Variants in PTPRH observed in about 807,000 individuals in gnomAD.
The protein encoded by PTPRH is receptor-type tyrosine-protein phosphatase H.
In PTPRH, 113 loss-of-function variants were observed where a neutral mutation model predicts 130.2. The ratio of observed to expected loss-of-function variants is 0.87; its 90% confidence interval spans 0.75 to 1.01. The LOEUF is 1.01. PTPRH is among the 50% of genes least tolerant of loss of function. The pLI is 0.00. For missense variants in PTPRH, 1,430 were observed against 1,425.0 expected, an observed-to-expected ratio of 1.00 and a Z score of -0.06; for synonymous variants, 556 against 577.9, an observed-to-expected ratio of 0.96 and a Z score of 0.54.
chr19:55,186,339 C>T lies in PTPRH; in HGVS notation c.2664G>A (p.Glu888=), dbSNP rs2086324494. The change falls in exon 16 of 20, where the codon GAG becomes GAA. Residue 888 remains glutamate, a synonymous_variant. Coordinates refer to ENST00000376350, the MANE Select transcript of PTPRH (RefSeq NM_002842.5). ...SFMPGLWSPQ[E]FIATQGPLPQ... ...GCAGGGGACCCTGGGTTGCAATGAA[C>T]TCCTGGGGGCTCCAGAGACCCTGGT... is the stretch of plus-strand genomic sequence containing the variant. 1 of 1,613,750 alleles carries T rather than the reference C, an allele frequency of 6.2e-7. No homozygotes were observed. Among genetic ancestry groups the T allele is most frequent in the Admixed American group, 1.7e-5 (1 of 59,974 alleles).
intron 1 of PTPRH, 61 bp from the exon 2 acceptor site, chr19:55,207,260 C>T (rs1045704512): frequency 2.6e-5 from 41 of 1,571,458 alleles, no homozygotes; most frequent in East Asian, 4.6e-5. Context: ...CCAGTGAGGC[C>T]GAGGGGCTGG....
chr19:55,207,352 G>C (rs527943381), intron 1 of PTPRH, 153 bp from the exon 2 acceptor site: 15 of 769,598 alleles, frequency 1.9e-5, no homozygotes, highest in Admixed American at 1.4e-4. Context: ...TCACGACCTC[G>C]ACCGTCTTTC....
intron 18 of PTPRH, 81 bp downstream of exon 18, chr19:55,185,421 C>G (rs750167312): frequency 1.3e-6 from 2 of 1,503,314 alleles, no homozygotes; most frequent in Non-Finnish European, 1.8e-6. Context: ...CCTGTACGTT[C>G]CCAGGGTCCC....
intron 10 of PTPRH, chr19:55,192,219 G>A (rs754969693): frequency 1.2e-5 from 4 of 338,698 alleles, no homozygotes; most frequent in Non-Finnish European, 2.3e-5. Context: ...TGGTTAACAC[G>A]GTGAAACCCC....
In PTPRH at chr19:55,185,755, G is replaced by T; in HGVS notation, c.2902-93C>A. 2.5e-6 allele frequency: 4 copies of T among 1,598,054 alleles called. No homozygotes were observed. The South Asian group carries it at 4.5e-5, about 18-fold the overall frequency. On this transcript the variant is annotated intron_variant, in intron 17 of 19. Coordinates refer to ENST00000376350, the MANE Select transcript of PTPRH (RefSeq NM_002842.5). ...AGCGGGTTCCCTGGGGCACACTGCA[G>T]CTCCTCAGAGGAGTGGGTGGAAGGT...
intron 10 of PTPRH, among the ~76,000 whole-genome samples, chr19:55,194,702 C>G (rs2086635210): frequency 6.6e-6 from 1 of 152,054 alleles, no homozygotes; most frequent in African/African-American, 2.4e-5. Flanking sequence ...AAAATAAAAC[C>G]CGGGGTGGGG....
rs142378567 is a variant in PTPRH, at chr19:55,198,700, C to T, written c.1633G>A (p.Val545Ile). The T allele has an allele frequency of 6.8e-4, 1,103 of 1,613,850 alleles. 7 individuals carry two copies. Among genetic ancestry groups the T allele is most frequent in the Middle Eastern group, 4.5e-3 (27 of 6,062 alleles). The change falls in exon 8 of 20, where the codon GTC (valine) becomes ATC (isoleucine). Residue 545 changes from valine (V) to isoleucine (I), a missense_variant. Physicochemically the swap from Val to Ile is conservative, Grantham distance 29. Transcript: ENST00000376350. The part of the protein sequence containing the change: ...LEAGSLYHLT[V>I]WAERNEVRGY... ...CTGACCTCATTCCTCTCGGCCCAGA[C>T]GGTGAGGTGGTACAGGCTGCCAGCT...
rs754089120 is a variant in PTPRH, at chr19:55,209,482, A to T, written c.-49T>A. ...CAGGAGTCCCAGGCCTAGTCCTTCC[A>T]CCTGCTGGACTTTACACTCAAGAAT... On this transcript the variant is annotated 5_prime_UTR_variant, in exon 1 of 20. Transcript: ENST00000376350. The surrounding 1 kb of genome is among the most constrained non-coding windows in gnomAD (Gnocchi z 4.1). The T allele has an allele frequency of 1.9e-5, 25 of 1,286,056 alleles. No individual in the cohort carries two copies. Among genetic ancestry groups the T allele is most frequent in the South Asian group, 2.6e-5 (2 of 78,098 alleles). The allele number at this position is 1,286,056 out of a possible 1,614,324, so 79.7% of individuals were successfully genotyped here.
chr19:55,197,454 G>T (rs753203926), intron 8 of PTPRH, 38 bp from the exon 9 acceptor site: 6 of 1,571,542 alleles, frequency 3.8e-6, no homozygotes, highest in Non-Finnish European at 4.4e-6. Context: ...GGGTATCCTC[G>T]AAGACCCTCC....
At chr19:55,185,438 C>T in intron 18 of PTPRH, 64 bp downstream of exon 18, 13 of 1,575,384 alleles carry the variant, frequency 8.3e-6, no homozygotes, top group Non-Finnish European at 1.0e-5. Flanking sequence ...TCCCGTCTAA[C>T]ACAACTGTCT....
chr19:55,198,572 T>G, intron 8 of PTPRH, 71 bp downstream of exon 8: 1 of 1,444,268 alleles, frequency 6.9e-7, no homozygotes, highest in Non-Finnish European at 9.2e-7. Context: ...CCCAAGGAGC[T>G]CCCAAAGTCC....
chr19:55,196,437 G>C, intron 10 of PTPRH, 85 bp downstream of exon 10: 2 of 1,418,198 alleles, frequency 1.4e-6, no homozygotes, highest in Non-Finnish European at 1.9e-6. Flanking sequence ...AAACAAAAGA[G>C]TCCCACTGAT....
chr19:55,189,861 G>A, intron 12 of PTPRH: 1 of 404,274 alleles, frequency 2.5e-6, no homozygotes, highest in Non-Finnish European at 5.0e-6. Flanking sequence ...AGGCATTGTG[G>A]TGCGTGCCTG....
rs1022440443 is a variant in PTPRH, at chr19:55,205,247, G to A, written c.619+79C>T. On this transcript the variant is annotated intron_variant, in intron 4 of 19. Transcript: ENST00000376350. ...GCTCAATGTGGCCCAGAGGGACTAT[G>A]GAATAGAAATCCGCTACGTTCTCCT... 22 of 1,580,002 alleles carry A rather than the reference G, an allele frequency of 1.4e-5. No individual in the cohort carries two copies. In the African/African-American group the frequency reaches 2.4e-4, roughly 17 times the overall value.
In PTPRH at chr19:55,203,915, T is replaced by G; in HGVS notation, c.753A>C (p.Arg251Ser). 6.2e-7 allele frequency: 1 copy of G among 1,614,150 alleles called. No individual in the cohort carries two copies. Among genetic ancestry groups the G allele is most frequent in the Non-Finnish European group, 8.5e-7 (1 of 1,180,020 alleles). Residue 251 changes from arginine to serine, a missense_variant, in exon 5 of 20, where the codon AGA becomes AGC. By Grantham distance (110) the Arg-to-Ser change is moderately radical. Transcript: ENST00000376350. ...TGTCTGTTGTGTTTCGAGTCTCTGT[T>G]CTGCCACCATCTCCAGTGCACTGAA... ...YCVQCTGDGG[R>S]TETRNTTDTR...
chr19:55,201,221 A>G (rs925146965), intron 6 of PTPRH, among the ~76,000 whole-genome samples: 2 of 151,916 alleles, frequency 1.3e-5, no homozygotes, highest in Non-Finnish European at 2.9e-5. Flanking sequence ...TCTCTAAAAA[A>G]AATAAATTAG....
At position 55,204,037 on chromosome 19, in the gene PTPRH, C is replaced by A. The variant is rs576610554; in HGVS notation, c.631G>T (p.Val211Leu). 6 of 1,613,436 alleles carry A rather than the reference C, an allele frequency of 3.7e-6. No individual in the cohort carries two copies. The highest frequency in any genetic ancestry group is 5.1e-6 in the Non-Finnish European group (6 of 1,179,528). ...TRNATTAHNP[V>L]RNLRVEAQTT... ...TGAGCCTCCACTCTCAGGTTCCTCA[C>A]TGGGTTGTGAGCTGAGAAATTAGGA... Residue 211 changes from valine (V) to leucine (L), a missense_variant, in exon 5 of 20, where the codon GTG (valine) becomes TTG (leucine). By Grantham distance (32) the Val-to-Leu change is conservative. Transcript: ENST00000376350.
At chr19:55,189,812 C>A (rs1006389887) in intron 12 of PTPRH, 16 of 447,538 alleles carry the variant, frequency 3.6e-5, no homozygotes, top group Non-Finnish European at 5.4e-5. Flanking sequence ...AAGACCACCC[C>A]CCCGACCTCC....
Position 55,187,908 on chromosome 19 carries a change from T to C in PTPRH, c.2475+170A>G, listed in dbSNP as rs2288524. The stretch of plus-strand genomic sequence containing the variant: ...GGACTGACCCACCATTATTTTAAGA[T>C]TTCAGTGAGTGGAAAGATAACATGG... On this transcript the variant is annotated intron_variant, in intron 13 of 19. Coordinates refer to ENST00000376350, the MANE Select transcript of PTPRH (RefSeq NM_002842.5). Among the ~76,000 whole-genome samples, 619 of 151,338 alleles carry C rather than the reference T, an allele frequency of 4.1e-3. 28 individuals are homozygous for C. The East Asian group carries it at 0.059, about 14-fold the overall frequency.
Sources: gnomAD v4.1 joint callset for allele counts (sites outside exome capture counted in the v4.1 genomes callset) on GRCh38, gnomAD v4.1.1 for gene constraint, Gnocchi (gnomAD v3.1) non-coding constraint, MANE v1.5 for transcripts, NCBI Gene and HGNC (gene_info 2026-07-23, HGNC 2026-07-21) for gene names.